CCSER1: variants seen among roughly 807,000 people sequenced by gnomAD.
The protein encoded by CCSER1 is coiled-coil serine rich protein 1, also known as serine-rich coiled-coil domain-containing protein 1.
CCSER1 carries 41 observed loss-of-function variants against 82.0 expected under a neutral mutation model. The ratio of observed to expected loss-of-function variants is 0.50; its 90% CI spans 0.39 to 0.65. The LOEUF is 0.65. Ranked by LOEUF, CCSER1 falls within the 30% of genes least tolerant of loss-of-function variation. The pLI is 0.00. For missense variants in CCSER1, 1,119 were observed against 1,064.2 expected, an observed-to-expected ratio of 1.05 and a Z score of -0.72; for synonymous variants, 414 against 383.9, an observed-to-expected ratio of 1.08 and a Z score of -0.92.
At chr4:91,380,306 A>T (rs1209246472) in intron 10 of CCSER1, among the ~76,000 whole-genome samples, 2 of 152,066 alleles carry the variant, frequency 1.3e-5, no homozygotes, top group East Asian at 3.9e-4. Flanking sequence ...TATCCTTTTT[A>T]ACTTTCTGTC....
intron 10 of CCSER1, among the ~76,000 whole-genome samples, chr4:91,160,755 G>T (rs112368320): frequency 0.049 from 7,352 of 150,244 alleles, 230 homozygotes; most frequent in East Asian, 0.1. Flanking sequence ...TGTTGTTGTT[G>T]TTTTTTTTGT....
intron 10 of CCSER1, among the ~76,000 whole-genome samples, chr4:91,447,510 C>G (rs144437341): frequency 1.3e-5 from 2 of 152,112 alleles, no homozygotes; most frequent in East Asian, 3.9e-4. Context: ...TATCACACTA[C>G]TATTATAGCA....
intron 10 of CCSER1, among the ~76,000 whole-genome samples, chr4:91,514,257 G>A (rs914049657): frequency 1.3e-4 from 20 of 152,090 alleles, no homozygotes; most frequent in African/African-American, 4.3e-4. Context: ...CTATGTACTT[G>A]TGTGGTTTTG....
chr4:90,807,876 T>G (rs1757727318), intron 7 of CCSER1, among the ~76,000 whole-genome samples: 1 of 152,136 alleles, frequency 6.6e-6, no homozygotes, highest in South Asian at 2.1e-4. Flanking sequence ...CGTCATTTTT[T>G]GCAGAATTAG....
At chr4:91,396,341 A>G (rs1204010702) in intron 10 of CCSER1, among the ~76,000 whole-genome samples, 1 of 152,126 alleles carries the variant, frequency 6.6e-6, no homozygotes, top group East Asian at 1.9e-4. Context: ...TTGATAGGAA[A>G]GTTTTAAGTC....
intron 9 of CCSER1, among the ~76,000 whole-genome samples, chr4:91,023,604 A>T (rs1740214695): frequency 6.6e-6 from 1 of 152,212 alleles, no homozygotes; most frequent in Non-Finnish European, 1.5e-5. Flanking sequence ...GGCTAGTCAT[A>T]TGCAGAAAGC....
chr4:91,383,079 A>G (rs1751037587), intron 10 of CCSER1, among the ~76,000 whole-genome samples: 1 of 152,122 alleles, frequency 6.6e-6, no homozygotes, highest in Admixed American at 6.5e-5. Context: ...ATTCAGTATT[A>G]TCAGTGTAGC....
chr4:91,572,642 G>A (rs1259231805), intron 10 of CCSER1, among the ~76,000 whole-genome samples: 1 of 152,018 alleles, frequency 6.6e-6, no homozygotes, highest in Non-Finnish European at 1.5e-5. Flanking sequence ...CACACAGTGA[G>A]AAGTGGGACT....
chr4:91,134,836 C>T (rs1208652078), intron 10 of CCSER1, among the ~76,000 whole-genome samples: 1 of 152,108 alleles, frequency 6.6e-6, no homozygotes, highest in Non-Finnish European at 1.5e-5. Context: ...CCGGGGCAGA[C>T]AGACCACAAG....
At chr4:90,511,068 T>C (rs901769399) in intron 5 of CCSER1, among the ~76,000 whole-genome samples, 1 of 152,136 alleles carries the variant, frequency 6.6e-6, no homozygotes, top group Non-Finnish European at 1.5e-5. Flanking sequence ...GGAAAGTGTT[T>C]CTACCACAAG....
At chr4:90,712,210 C>T (rs1335834425) in intron 6 of CCSER1, among the ~76,000 whole-genome samples, 1 of 151,684 alleles carries the variant, frequency 6.6e-6, no homozygotes, top group Non-Finnish European at 1.5e-5. Flanking sequence ...GCTCTTGGTT[C>T]TCTAGTTCTT....
At chr4:91,534,722 C>A (rs535651468) in intron 10 of CCSER1, among the ~76,000 whole-genome samples, 109 of 151,906 alleles carry the variant, frequency 7.2e-4, no homozygotes, top group Non-Finnish European at 1.5e-3. Flanking sequence ...ATTGACATAT[C>A]TCTTTAAATT....
At position 90,445,659 on chromosome 4, in the gene CCSER1, A is replaced by G. The variant is rs541564524; in HGVS notation, c.1604-22575A>G. 2.6e-5 allele frequency among the ~76,000 whole-genome samples: 4 copies of G among 152,232 alleles called. No individual in the cohort carries two copies. In the East Asian group the frequency reaches 7.7e-4, roughly 29 times the overall value. ...TGAAAAATTAATGTCCTTTCAAGTA[A>G]CTAACCTTTTGAAGAGAGGCCTAGA... On this transcript the variant is annotated intron_variant, in intron 4 of 10. Coordinates refer to ENST00000509176, the MANE Select transcript of CCSER1 (RefSeq NM_001145065.2).
chr4:90,208,592 G>A (rs1739370776), intron 1 of CCSER1, among the ~76,000 whole-genome samples: 1 of 151,904 alleles, frequency 6.6e-6, no homozygotes, highest in Admixed American at 6.6e-5. Flanking sequence ...CTGCCCAAAC[G>A]GCCACCCAGT....
Position 90,717,129 on chromosome 4 carries a change from A to T in CCSER1, c.1933-6785A>T, listed in dbSNP as rs138534077. Among the ~76,000 whole-genome samples the T allele has an allele frequency of 2.4e-3, 370 of 152,274 alleles. 3 individuals are homozygous for T. Among genetic ancestry groups the T allele is most frequent in the African/African-American group, 8.7e-3 (360 of 41,570 alleles). ...CAATTCCCAGATTTGAGCTTTGTTT[A>T]AATAATGCGGCTTCTGTGCCATTTT... On this transcript the variant is annotated intron_variant, in intron 6 of 10. Coordinates refer to ENST00000509176, the MANE Select transcript of CCSER1 (RefSeq NM_001145065.2).
At chr4:90,496,534 T>C (rs1769029714) in intron 5 of CCSER1, among the ~76,000 whole-genome samples, 1 of 152,178 alleles carries the variant, frequency 6.6e-6, no homozygotes, top group South Asian at 2.1e-4. Flanking sequence ...TGATTTCAAT[T>C]TTTTCAGATA....
In CCSER1 at chr4:91,110,304, AT is replaced by A. The variant is rs1029823973; in HGVS notation, c.2217+24311del. Among the ~76,000 whole-genome samples the A allele has an allele frequency of 9.2e-5, 14 of 151,768 alleles. 1 individual carries two copies. Among genetic ancestry groups the A allele is most frequent in the African/African-American group, 3.1e-4 (13 of 41,386 alleles). Reference sequence around the variant, plus strand: ...CAGTTGTTTCTTCACTAGGAAAAAAATAAACTTAGTGCTTGCTCCTTATAGG... The same window carrying A: ...CAGTTGTTTCTTCACTAGGAAAAAAAAAACTTAGTGCTTGCTCCTTATAGG... On this transcript the variant is annotated intron_variant, in intron 10 of 10. Coordinates refer to ENST00000509176, the MANE Select transcript of CCSER1 (RefSeq NM_001145065.2).
At chr4:90,399,995 A>G (rs1752582268) in intron 3 of CCSER1, 41 bp from the exon 4 acceptor site, 2 of 1,103,778 alleles carry the variant, frequency 1.8e-6, no homozygotes, top group Non-Finnish European at 2.7e-6. Context: ...TCATTTACTC[A>G]GTGTTTTGGT....
intron 4 of CCSER1, among the ~76,000 whole-genome samples, chr4:90,461,513 C>T (rs1164002940): frequency 6.6e-6 from 1 of 152,100 alleles, no homozygotes; most frequent in Non-Finnish European, 1.5e-5. Context: ...TGACCTATGC[C>T]TCCAGCTCAG....
Sources: gnomAD v4.1 joint callset for allele counts (sites outside exome capture counted in the v4.1 genomes callset) on GRCh38, gnomAD v4.1.1 for gene constraint, MANE v1.5 for transcripts, NCBI Gene and HGNC (gene_info 2026-07-23, HGNC 2026-07-21) for gene names.